HPS3: variants seen among roughly 807,000 people sequenced by gnomAD.
HPS3 encodes HPS3 biogenesis of lysosomal organelles complex 2 subunit 1.
Under a neutral mutation model 110.9 loss-of-function variants are expected in HPS3, and 79 were observed. The observed-to-expected ratio is 0.71, with a 90% CI of 0.59 to 0.86. HPS3 has a LOEUF of 0.86. HPS3 is among the 40% of genes least tolerant of loss of function. The pLI is 0.00. For missense variants in HPS3, 1,197 were observed against 1,206.2 expected (o/e 0.99, Z 0.11); for synonymous variants, 428 against 451.0 (o/e 0.95, Z 0.65).
rs1724631640 is a variant in HPS3 at position 149,168,319 on chromosome 3, A to C, written c.2887+336A>C. On this transcript the variant is annotated intron_variant, in intron 16 of 16. Coordinates refer to ENST00000296051, the MANE Select transcript of HPS3 (RefSeq NM_032383.5). ...ATGATCAGAGTACTTAATTTACTTC[A>C]TGTAGGAAGTTAAGATCATTACTAT... 4 of 259,168 alleles carry C rather than the reference A, an allele frequency of 1.5e-5. No individual in the cohort carries two copies. In the South Asian group the frequency reaches 2.0e-4, roughly 13 times the overall value. 16.1% of individuals were successfully genotyped at this position (259,168 alleles called of 1,614,324 possible).
At position 149,173,588 on chromosome 3, in the gene HPS3, T is replaced by G; in HGVS notation, c.*1366T>G. On this transcript the variant is annotated 3_prime_UTR_variant, in exon 17 of 17. Coordinates refer to ENST00000296051, the MANE Select transcript of HPS3 (RefSeq NM_032383.5). ...TTTCCCCCACAAATGTACAAAGTTG[T>G]ATGCTTCCAGTCTTCTTTTAATGTT... 3.0e-6 allele frequency: 2 copies of G among 670,372 alleles called. No homozygotes were observed. The highest frequency in any genetic ancestry group is 5.1e-6 in the Non-Finnish European group (2 of 389,300). The allele number at this position is 670,372 out of a possible 1,614,324, so 41.5% of individuals were successfully genotyped here.
intron 7 of HPS3, among the ~76,000 whole-genome samples, chr3:149,154,286 G>T (rs533966085): frequency 2.6e-5 from 4 of 152,204 alleles, no homozygotes; most frequent in Non-Finnish European, 5.9e-5. Flanking sequence ...AATCAAGAAA[G>T]AAATCTCTTC....
chr3:149,148,313 T>A (rs1722899239), intron 5 of HPS3, among the ~76,000 whole-genome samples: 1 of 151,544 alleles, frequency 6.6e-6, no homozygotes, highest in South Asian at 2.1e-4. Context: ...CAAAATAAAA[T>A]CATGTAAAAT....
chr3:149,172,081 T>C lies in HPS3; in HGVS notation c.2888-14T>C, dbSNP rs1298258552. ...AGACTTTCAATTCTAATTCAGATAT[T>C]CTTTTCTACACAGAAACATTGTCAA... On this transcript the variant is annotated splice_polypyrimidine_tract_variant and intron_variant, in intron 16 of 16. Transcript: ENST00000296051. 1.2e-6 allele frequency: 2 copies of C among 1,611,654 alleles called. No individual in the cohort carries two copies. Among genetic ancestry groups the C allele is most frequent in the Admixed American group, 3.3e-5 (2 of 60,006 alleles).
At chr3:149,155,281 G>T in intron 8 of HPS3, 66 bp downstream of exon 8, 1 of 959,990 alleles carries the variant, frequency 1.0e-6, no homozygotes, top group South Asian at 1.3e-5. Context: ...ATCAGAAATT[G>T]ATTCTAATTA....
At chr3:149,148,007 A>C (rs1024233678) in intron 5 of HPS3, among the ~76,000 whole-genome samples, 1 of 151,584 alleles carries the variant, frequency 6.6e-6, no homozygotes, top group Non-Finnish European at 1.5e-5. Flanking sequence ...AGTCGCTGGG[A>C]TTATAGGCAC....
At chr3:149,166,078 A>C (rs1245978703) in intron 14 of HPS3, 3 of 453,366 alleles carry the variant, frequency 6.6e-6, no homozygotes, top group Non-Finnish European at 1.3e-5. Context: ...CAGGGACAAG[A>C]AAATTAGGAC....
At position 149,162,338 on chromosome 3, in the gene HPS3, G is replaced by C; in HGVS notation, c.2292+5G>C. On this transcript the variant is annotated splice_donor_5th_base_variant and intron_variant, in intron 12 of 16. Transcript: ENST00000296051. ...GAAGCAGATTCCTTTTTTAAGGTTT[G>C]TCACTTTGAAAATGTGATTTTTCTG... The C allele has an allele frequency of 1.2e-6, 2 of 1,613,388 alleles. No individual in the cohort carries two copies. The highest frequency in any genetic ancestry group is 1.7e-6 in the Non-Finnish European group (2 of 1,179,412).
intron 10 of HPS3, 30 bp from the exon 11 acceptor site, chr3:149,160,007 TGACCTTTTA>T (rs1459029323): frequency 6.8e-7 from 1 of 1,465,064 alleles, no homozygotes; most frequent in Admixed American, 1.7e-5. Context: ...TCTGGCTGAC[TGACCTTTTA>T]TTCCTTTTAT....
chr3:149,146,170 T>G (rs1480559317), intron 5 of HPS3, among the ~76,000 whole-genome samples: 1 of 152,210 alleles, frequency 6.6e-6, no homozygotes, highest in African/African-American at 2.4e-5. Context: ...TGGTTCTATT[T>G]CCTGTTTTTT....
intron 1 of HPS3, among the ~76,000 whole-genome samples, chr3:149,134,923 CT>C (rs1384369419): frequency 6.6e-6 from 1 of 152,170 alleles, no homozygotes; most frequent in African/African-American, 2.4e-5. Flanking sequence ...ATAAATAGAG[CT>C]GACTCTGGCT....
chr3:149,159,116 T>C (rs1400286661), intron 10 of HPS3, among the ~76,000 whole-genome samples: 2 of 152,194 alleles, frequency 1.3e-5, no homozygotes, highest in Admixed American at 6.5e-5. Context: ...GACAGTAGCA[T>C]GTCCTCAGTA....
At chr3:149,162,397 A>G in intron 12 of HPS3, 64 bp downstream of exon 12, 2 of 1,398,944 alleles carry the variant, frequency 1.4e-6, no homozygotes, top group Non-Finnish European at 2.0e-6. Flanking sequence ...GGGGAGGGAC[A>G]GAATAAGAGA....
At chr3:149,151,601 A>AC (rs1345832454) in intron 6 of HPS3, among the ~76,000 whole-genome samples, 16 of 146,366 alleles carry the variant, frequency 1.1e-4, no homozygotes, top group African/African-American at 4.0e-4. Context: ...AAAAAAAAAA[A>AC]AAAAAAAAAA....
In HPS3 at chr3:149,155,123, A is replaced by C; in HGVS notation, c.1417A>C (p.Ser473Arg). 3 of 1,596,588 alleles carry C rather than the reference A, an allele frequency of 1.9e-6. No homozygotes were observed. Among genetic ancestry groups the C allele is most frequent in the Non-Finnish European group, 1.7e-6 (2 of 1,164,052 alleles). The change falls in exon 8 of 17, where the codon AGT becomes CGT. Residue 473 changes from serine (S) to arginine (R), a missense_variant. Coordinates refer to ENST00000296051, the MANE Select transcript of HPS3 (RefSeq NM_032383.5). ...PKRLLSRKDT[S>R]VKIKIPPVAE... ...TGCTTTTAGTTCGAGAAAAGATACC[A>C]GTGTTAAAATCAAAATACCTCCTGT...
chr3:149,163,618 T>C (rs1311314025), intron 13 of HPS3, among the ~76,000 whole-genome samples: 1 of 152,202 alleles, frequency 6.6e-6, no homozygotes, highest in Non-Finnish European at 1.5e-5. Context: ...CTCTTTGGAG[T>C]ATTTACATTT....
intron 11 of HPS3, among the ~76,000 whole-genome samples, chr3:149,160,565 G>A (rs985854866): frequency 6.6e-6 from 1 of 152,196 alleles, no homozygotes; most frequent in Non-Finnish European, 1.5e-5. Flanking sequence ...CCGAGGGGAC[G>A]ATGTGATCTG....
At chr3:149,147,927 A>C (rs558729522) in intron 5 of HPS3, among the ~76,000 whole-genome samples, 1 of 151,990 alleles carries the variant, frequency 6.6e-6, no homozygotes. Context: ...CTGGAGTGCA[A>C]TGGCGCGGTC....
At chr3:149,136,441 G>A (rs1430036176) in intron 1 of HPS3, among the ~76,000 whole-genome samples, 2 of 152,136 alleles carry the variant, frequency 1.3e-5, no homozygotes, top group African/African-American at 4.8e-5. Context: ...AAGGGTTATA[G>A]CCTCCACAGA....
Sources: gnomAD v4.1 joint callset for allele counts (sites outside exome capture counted in the v4.1 genomes callset) on GRCh38, gnomAD v4.1.1 for gene constraint, MANE v1.5 for transcripts, NCBI Gene and HGNC (gene_info 2026-07-23, HGNC 2026-07-21) for gene names.